RHBDF1: variants seen among roughly 807,000 people sequenced by gnomAD.
RHBDF1 encodes rhomboid 5 homolog 1, also known as inactive rhomboid protein 1.
Under a neutral mutation model 98.6 loss-of-function variants are expected in RHBDF1, and 80 were observed. The ratio of observed to expected loss-of-function variants is 0.81; its 90% CI spans 0.68 to 0.98. The LOEUF (loss-of-function observed/expected upper bound fraction) is 0.98. Among genes scored for constraint, RHBDF1 ranks in the 50% least tolerant of loss-of-function variants. The probability of loss-of-function intolerance (pLI) is 0.00; values close to 1 mark genes in which losing one functional copy is unlikely to be tolerated. For synonymous variants in RHBDF1, 512 were observed against 486.8 expected, an observed-to-expected ratio of 1.05 and a Z score of -0.68; for missense variants, 1,116 against 1,198.3, an observed-to-expected ratio of 0.93 and a Z score of 1.01.
In RHBDF1 at chr16:63,177, T is replaced by A. The variant is rs1185428033; in HGVS notation, c.468A>T (p.Ile156=). 1 of 1,570,540 alleles carries A rather than the reference T, an allele frequency of 6.4e-7. No homozygotes were observed. The highest frequency in any genetic ancestry group is 8.6e-7 in the Non-Finnish European group (1 of 1,158,416). Reference sequence around the variant, plus strand: ...AGGCACGGCCACGGGCCAGGGGGTCTATGATCTGGAGGAGGGGAGGAGATG... The same window carrying A: ...AGGCACGGCCACGGGCCAGGGGGTCAATGATCTGGAGGAGGGGAGGAGATG... ...GPCQLGMQKI[I]DPLARGRAFR... Residue 156 remains isoleucine, a synonymous_variant, in exon 5 of 18, where the codon ATA becomes ATT. Coordinates refer to ENST00000262316, the MANE Select transcript of RHBDF1 (RefSeq NM_022450.5).
rs1897464789 is a variant in RHBDF1, at chr16:58,414, A to G, written c.2494T>C (p.Cys832Arg). 6.2e-7 allele frequency: 1 copy of G among 1,613,872 alleles called. No individual in the cohort carries two copies. Among genetic ancestry groups the G allele is most frequent in the Non-Finnish European group, 8.5e-7 (1 of 1,180,042 alleles). The change falls in exon 18 of 18, where the codon TGT becomes CGT. Residue 832 changes from cysteine (C) to arginine (R), a missense_variant. Cys to Arg is a radical substitution (Grantham distance 180). Coordinates refer to ENST00000262316, the MANE Select transcript of RHBDF1 (RefSeq NM_022450.5). ...FYVYPVRCEW[C>R]EFLTCIPFTD... ...AAGGGGATGCAGGTGAGGAACTCAC[A>G]CCACTCACAGCGGACAGGATAGACG...
At position 61,107 on chromosome 16, in the gene RHBDF1, C is replaced by G; in HGVS notation, c.1557+13G>C. Reference sequence around the variant, plus strand: ...GGCAGACGAAGGCGGGAGTCCCGGGCGGGGAAACGCACCGAGCACTCCTCC... The same window carrying G: ...GGCAGACGAAGGCGGGAGTCCCGGGGGGGGAAACGCACCGAGCACTCCTCC... On this transcript the variant is annotated intron_variant, in intron 11 of 17. Transcript: ENST00000262316. 2 of 1,519,328 alleles carry G rather than the reference C, an allele frequency of 1.3e-6. No individual in the cohort carries two copies. The highest frequency in any genetic ancestry group is 1.8e-6 in the Non-Finnish European group (2 of 1,132,696). 94.1% of individuals were successfully genotyped at this position (1,519,328 alleles called of 1,614,324 possible). A position where few individuals can be genotyped will look rare whatever the true frequency, so the allele number is the denominator to read the frequency against.
At chr16:72,762 T>G, upstream of RHBDF1, 1 of 839,322 alleles carries the variant, frequency 1.2e-6, no homozygotes, top group South Asian at 7.2e-5. Flanking sequence ...GCCGCCGGGC[T>G]CCCTTCTCCC....
In RHBDF1 at chr16:61,147, G is replaced by T; in HGVS notation, c.1530C>A (p.Cys510Ter). 6.5e-7 allele frequency: 1 copy of T among 1,536,786 alleles called. No homozygotes were observed. The highest frequency in any genetic ancestry group is 8.7e-7 in the Non-Finnish European group (1 of 1,144,370). ...ACCVRNDRSG[C>*]VQTSEEECSS... ...AGCACTCCTCCTCCGAGGTCTGCAC[G>T]CAGCCCGACCTGTCGTTGCGCACGC... is the stretch of plus-strand genomic sequence containing the variant. The change falls in exon 11 of 18, where the codon TGC becomes TGA. Residue 510 changes from cysteine to a stop codon, truncating the protein, a stop_gained. Coordinates refer to ENST00000262316, the MANE Select transcript of RHBDF1 (RefSeq NM_022450.5). LOFTEE classifies it high-confidence loss of function.
At chr16:62,735 A>G (rs1392283350) in intron 6 of RHBDF1, 40 bp from the exon 7 acceptor site, 2 of 1,613,944 alleles carry the variant, frequency 1.2e-6, no homozygotes, top group Middle Eastern at 1.6e-4. Flanking sequence ...ACAGGCAGGA[A>G]GGGAACGTGG....
At position 58,520 on chromosome 16, in the gene RHBDF1, G is replaced by A; in HGVS notation, c.2388C>T (p.Asp796=). The A allele has an allele frequency of 6.2e-7, 1 of 1,614,074 alleles. No homozygotes were observed. The highest frequency in any genetic ancestry group is 1.7e-5 in the Admixed American group (1 of 60,028). ...TGATCTGGCAGCGTTTCCGGTACAG[G>A]TCGAACTTGCCAAAGCTGATGTAGG... ...FLPYISFGKF[D]LYRKRCQIII... is the part of the protein sequence containing the mutation. The change falls in exon 18 of 18, where the codon GAC becomes GAT. Residue 796 remains aspartate (D), a synonymous_variant. Transcript: ENST00000262316.
At position 58,206 on chromosome 16, in the gene RHBDF1, G is replaced by C. The variant is rs2141840485; in HGVS notation, c.*134C>G. The stretch of plus-strand genomic sequence containing the variant: ...TTCAACAGAAGTGAACAAGGCACAA[G>C]AAAGAGGTCTGTGTTCAGGAAACAG... On this transcript the variant is annotated 3_prime_UTR_variant, in exon 18 of 18. Transcript: ENST00000262316. 2 of 792,818 alleles carry C rather than the reference G, an allele frequency of 2.5e-6. No homozygotes were observed. Among genetic ancestry groups the C allele is most frequent in the South Asian group, 3.5e-5 (2 of 56,546 alleles). 49.1% of individuals were successfully genotyped at this position (792,818 alleles called of 1,614,324 possible).
At position 58,586 on chromosome 16, in the gene RHBDF1, T is replaced by C. The variant is rs216598; in HGVS notation, c.2322A>G (p.Ser774=). 0.82 allele frequency: 1,320,966 copies of C among 1,613,758 alleles called. 543,280 individuals carry two copies. The highest frequency in any genetic ancestry group is 0.95 in the African/African-American group (71,341 of 75,048). ...AGAGGAAGAGGCCACTGATGAACCCTGAGATGTGGGCAAAGTTGTCAATCC... is the reference window on the plus strand; with the variant it reads ...AGAGGAAGAGGCCACTGATGAACCCCGAGATGTGGGCAAAGTTGTCAATCC... ...LPWIDNFAHI[S]GFISGLFLSF... The change falls in exon 18 of 18, where the codon TCA becomes TCG. Residue 774 remains serine, a synonymous_variant. Coordinates refer to ENST00000262316, the MANE Select transcript of RHBDF1 (RefSeq NM_022450.5).
At position 63,197 on chromosome 16, in the gene RHBDF1, G is replaced by A. The variant is rs766149700; in HGVS notation, c.463-15C>T. ...GGGTCTATGATCTGGAGGAGGGGAG[G>A]AGATGCTGGAGTCAGGACCATGGGG... is the stretch of plus-strand genomic sequence containing the variant. On this transcript the variant is annotated splice_polypyrimidine_tract_variant and intron_variant, in intron 4 of 17. Transcript: ENST00000262316. 7.1e-6 allele frequency: 11 copies of A among 1,549,640 alleles called. No homozygotes were observed. In the Admixed American group the frequency reaches 7.8e-5, roughly 11 times the overall value.
chr16:68,241 G>A (rs1233026521), intron 1 of RHBDF1, among the ~76,000 whole-genome samples: 1 of 152,240 alleles, frequency 6.6e-6, no homozygotes, highest in Non-Finnish European at 1.5e-5. Flanking sequence ...TCCTGCGGGT[G>A]GGCAGTGCTG....
Position 63,637 on chromosome 16 carries a change from C to A in RHBDF1, c.412G>T (p.Glu138Ter). The A allele has an allele frequency of 6.3e-7, 1 of 1,597,778 alleles. No homozygotes were observed. The change falls in exon 4 of 18, where the codon GAG becomes TAG. Residue 138 changes from glutamate to a stop codon, truncating the protein, a stop_gained. Coordinates refer to ENST00000262316, the MANE Select transcript of RHBDF1 (RefSeq NM_022450.5). LOFTEE classifies it high-confidence loss of function. ...CCCACGTAGAGTGGGGGTGGCGTCT[C>A]GGTGCTGGTCAGCGACACGTTGTCC... The part of the protein sequence containing the change: ...SQDNVSLTST[E>*]TPPPLYVGPC...
chr16:58,752 G>A lies in RHBDF1; in HGVS notation c.2156C>T (p.Pro719Leu), dbSNP rs1421028527. ...CAGGATGCCGAACTGGGAGCCAGCA[G>A]GACCCACCTGGGGGATGGTTGGGGT... ...IFLPYRAEVG[P>L]AGSQFGILAC... Residue 719 changes from proline (P) to leucine (L), a missense_variant, in exon 18 of 18, where the codon CCT becomes CTT. By Grantham distance (98) the Pro-to-Leu change is moderately conservative (BLOSUM62 -3). Transcript: ENST00000262316. 1 of 1,612,124 alleles carries A rather than the reference G, an allele frequency of 6.2e-7. No homozygotes were observed. The highest frequency in any genetic ancestry group is 1.7e-5 in the Admixed American group (1 of 59,938).
In RHBDF1 at chr16:58,149, G is replaced by A. The variant is rs1897454805; in HGVS notation, c.*191C>T. 2.7e-5 allele frequency: 16 copies of A among 584,118 alleles called. No homozygotes were observed. The East Asian group carries it at 4.6e-4, about 17-fold the overall frequency. 36.2% of individuals were successfully genotyped at this position (584,118 alleles called of 1,614,324 possible). On this transcript the variant is annotated 3_prime_UTR_variant, in exon 18 of 18. Transcript: ENST00000262316. ...ACAAGTTAGAAGGTTATGACAGGAA[G>A]TAGTATAATAAATGCCCGGCAGTAC...
chr16:72,678 G>A (rs1326873658), upstream of RHBDF1: 1 of 981,136 alleles, frequency 1.0e-6, no homozygotes, highest in Non-Finnish European at 1.2e-6. Context: ...GCCGGAGCGG[G>A]GCGGTCGCGC....
chr16:68,438 C>T (rs190312926), intron 1 of RHBDF1, among the ~76,000 whole-genome samples: 81 of 152,346 alleles, frequency 5.3e-4, no homozygotes, highest in Non-Finnish European at 9.4e-4. Context: ...CTTCCCCAGG[C>T]GCACAGTGGG....
In RHBDF1 at chr16:60,226, G is replaced by C; in HGVS notation, c.1712C>G (p.Thr571Ser). ...CCCACTGCAGCTCACCGGCCACTTG[G>C]TGATGTCTTCTGGCCACTCATGAGG... The part of the protein sequence containing the change: ...EDPHEWPEDI[T>S]KWPICTKNSA... The change falls in exon 13 of 18, where the codon ACC (threonine) becomes AGC (serine). Residue 571 changes from threonine (T) to serine (S), a missense_variant. Physicochemically the swap from Thr to Ser is moderately conservative, Grantham distance 58. Coordinates refer to ENST00000262316, the MANE Select transcript of RHBDF1 (RefSeq NM_022450.5). The C allele has an allele frequency of 2.5e-6, 4 of 1,614,082 alleles. No homozygotes were observed. The highest frequency in any genetic ancestry group is 3.4e-6 in the Non-Finnish European group (4 of 1,180,006).
chr16:60,605 A>G (rs1352596236), intron 11 of RHBDF1, 66 bp from the exon 12 acceptor site: 72 of 1,214,846 alleles, frequency 5.9e-5, no homozygotes, highest in Non-Finnish European at 8.3e-5. Flanking sequence ...GCAGGGAGTC[A>G]GGAGTCGAAG....
chr16:69,273 C>T (rs1256657227), intron 1 of RHBDF1, among the ~76,000 whole-genome samples: 2 of 152,200 alleles, frequency 1.3e-5, no homozygotes, highest in African/African-American at 2.4e-5. Context: ...GCAGCAACCA[C>T]CTCTGTACTC....
In RHBDF1 at chr16:58,330, C is replaced by G; in HGVS notation, c.*10G>C. The G allele has an allele frequency of 6.2e-7, 1 of 1,604,386 alleles. No individual in the cohort carries two copies. The highest frequency in any genetic ancestry group is 8.5e-7 in the Non-Finnish European group (1 of 1,174,570). ...GCTGGAGCACACGGCCGCTGGAGCCCGCAGCCAGCTCAGTGGAGCTGAGCG... is the reference window on the plus strand; with the variant it reads ...GCTGGAGCACACGGCCGCTGGAGCCGGCAGCCAGCTCAGTGGAGCTGAGCG... On this transcript the variant is annotated 3_prime_UTR_variant, in exon 18 of 18. Transcript: ENST00000262316.
Sources: gnomAD v4.1 joint callset for allele counts (sites outside exome capture counted in the v4.1 genomes callset) on GRCh38, gnomAD v4.1.1 for gene constraint, MANE v1.5 for transcripts, NCBI Gene and HGNC (gene_info 2026-07-23, HGNC 2026-07-21) for gene names.